Variants in EYA4 observed in about 807,000 individuals in gnomAD.
The protein encoded by EYA4 is EYA transcriptional coactivator and phosphatase 4.
A neutral mutation model predicts 87.9 loss-of-function variants in EYA4; 31 were observed. That is an observed-to-expected ratio of 0.35 (90% confidence interval 0.27 to 0.48). The LOEUF (loss-of-function observed/expected upper bound fraction) is 0.48, where lower values mean the gene tolerates loss of function less well. Among genes scored for constraint, EYA4 ranks in the 20% least tolerant of loss-of-function variants. The probability of loss-of-function intolerance (pLI) is 0.99; values close to 1 mark genes in which losing one functional copy is unlikely to be tolerated. For synonymous variants in EYA4, 263 were observed against 270.6 expected (o/e 0.97, Z 0.28); for missense variants, 678 against 761.4 (o/e 0.89, Z 1.29).
In EYA4 at chr6:133,288,152, G is replaced by A. The variant is rs115342726; in HGVS notation, c.33+13339G>A. On this transcript the variant is annotated intron_variant, in intron 2 of 19. Transcript: ENST00000355286. ...CCATTTCAATAAAAAAAAGGCTTAA[G>A]TCAGGGATTGGCAATTTTTTTGAAA... Among the ~76,000 whole-genome samples, 1,030 of 152,126 alleles carry A rather than the reference G, an allele frequency of 6.8e-3. 14 individuals carry two copies. Among genetic ancestry groups the A allele is most frequent in the African/African-American group, 0.023 (960 of 41,498 alleles).
At chr6:133,464,526 G>C (rs1168627622) in intron 9 of EYA4, among the ~76,000 whole-genome samples, 3 of 152,056 alleles carry the variant, frequency 2.0e-5, no homozygotes, top group African/African-American at 7.2e-5. Flanking sequence ...ACCCTTGAAT[G>C]TTGGCCTCAC....
intron 5 of EYA4, among the ~76,000 whole-genome samples, chr6:133,451,777 A>T (rs1330355631): frequency 1.3e-5 from 2 of 152,160 alleles, no homozygotes; most frequent in Non-Finnish European, 2.9e-5. Flanking sequence ...TTCAAAGAAA[A>T]GGTTTGGGGG....
At chr6:133,365,077 G>A (rs771085924) in intron 2 of EYA4, among the ~76,000 whole-genome samples, 46 of 152,110 alleles carry the variant, frequency 3.0e-4, no homozygotes, top group South Asian at 6.2e-4. Flanking sequence ...TGGTACATCT[G>A]CTGGGTGGCA....
At position 133,383,649 on chromosome 6, in the gene EYA4, C is replaced by A. The variant is rs1583128120; in HGVS notation, c.83+1208C>A. ...GTTTTGTTGTATGCAGTATGATATTCCTATAATTGATTCCTGTGCATATTA... is the reference window on the plus strand; with the variant it reads ...GTTTTGTTGTATGCAGTATGATATTACTATAATTGATTCCTGTGCATATTA... On this transcript the variant is annotated intron_variant, in intron 3 of 19. Transcript: ENST00000355286. Among the ~76,000 whole-genome samples the A allele has an allele frequency of 2.7e-5, 4 of 150,002 alleles. No homozygotes were observed. The Admixed American group carries it at 2.7e-4, about 10-fold the overall frequency.
At chr6:133,443,577 T>TTTC (rs887786825) in intron 3 of EYA4, among the ~76,000 whole-genome samples, 8 of 152,080 alleles carry the variant, frequency 5.3e-5, no homozygotes, top group African/African-American at 1.9e-4. Flanking sequence ...TTAATTTCCT[T>TTTC]TTCTTCCTCT....
chr6:133,275,704 A>T (rs1446835348), intron 2 of EYA4, among the ~76,000 whole-genome samples: 1 of 152,044 alleles, frequency 6.6e-6, no homozygotes, highest in African/African-American at 2.4e-5. Context: ...TTTAAGAGGG[A>T]TGTATATTCT....
At chr6:133,403,521 A>G (rs749706953) in intron 3 of EYA4, among the ~76,000 whole-genome samples, 39 of 152,236 alleles carry the variant, frequency 2.6e-4, no homozygotes, top group Non-Finnish European at 5.3e-4. Context: ...TAAGTCAAAG[A>G]TAGTACACAT....
chr6:133,495,278 A>T (rs1797543255), intron 13 of EYA4, among the ~76,000 whole-genome samples: 2 of 150,578 alleles, frequency 1.3e-5, no homozygotes, highest in African/African-American at 4.9e-5. Flanking sequence ...CAAAAAAAAG[A>T]AAAAAAATCT....
At chr6:133,511,272 C>T (rs888466318) in intron 14 of EYA4, among the ~76,000 whole-genome samples, 11 of 151,924 alleles carry the variant, frequency 7.2e-5, no homozygotes, top group Admixed American at 5.9e-4. Flanking sequence ...TAAATAGTAG[C>T]TTTCAAAAAA....
chr6:133,498,568 A>G (rs1008028028), intron 13 of EYA4, among the ~76,000 whole-genome samples: 1 of 152,210 alleles, frequency 6.6e-6, no homozygotes. Flanking sequence ...TGAGTCAGTC[A>G]GTGTTGCAGA....
intron 2 of EYA4, among the ~76,000 whole-genome samples, chr6:133,308,755 T>C (rs577003578): frequency 6.6e-6 from 1 of 152,390 alleles, no homozygotes; most frequent in South Asian, 2.1e-4. Context: ...GTCTTTTTTA[T>C]ATCTGCATTG....
At chr6:133,262,697 T>A (rs886438298) in intron 1 of EYA4, among the ~76,000 whole-genome samples, 1 of 152,248 alleles carries the variant, frequency 6.6e-6, no homozygotes, top group African/African-American at 2.4e-5. Context: ...AAGTAGAGCT[T>A]GTTGTAACTT....
chr6:133,468,135 G>A (rs1795008580), intron 10 of EYA4, among the ~76,000 whole-genome samples: 1 of 152,070 alleles, frequency 6.6e-6, no homozygotes, highest in Non-Finnish European at 1.5e-5. Flanking sequence ...TGCAGACTGA[G>A]GTCTCTGTGG....
rs970932146 is a variant in EYA4 at position 133,277,638 on chromosome 6, T to G, written c.33+2825T>G. On this transcript the variant is annotated intron_variant, in intron 2 of 19. Coordinates refer to ENST00000355286, the MANE Select transcript of EYA4 (RefSeq NM_004100.5). Reference sequence around the variant, plus strand: ...CATTCATTCTAGCATATCCAGCTACTGACCAGACATCCCTTCTGGGAGTTC... The same window carrying G: ...CATTCATTCTAGCATATCCAGCTACGGACCAGACATCCCTTCTGGGAGTTC... Among the ~76,000 whole-genome samples, 5 of 152,248 alleles carry G rather than the reference T, an allele frequency of 3.3e-5. No individual in the cohort carries two copies. The East Asian group carries it at 9.6e-4, about 29-fold the overall frequency.
intron 2 of EYA4, chr6:133,360,584 A>G (rs1447352441): frequency 1.3e-5 from 2 of 152,304 alleles, no homozygotes; most frequent in South Asian, 2.1e-4. Flanking sequence ...TTCTACAACA[A>G]CCATTTTTTG....
At chr6:133,274,885 A>G in intron 2 of EYA4, 72 bp downstream of exon 2, 1 of 1,117,246 alleles carries the variant, frequency 9.0e-7, no homozygotes. Context: ...TAAAAGAGAT[A>G]TATTGTAAGA....
At chr6:133,318,685 C>T (rs1359118507) in intron 2 of EYA4, among the ~76,000 whole-genome samples, 1 of 151,596 alleles carries the variant, frequency 6.6e-6, no homozygotes, top group Admixed American at 6.6e-5. Flanking sequence ...GCTTTGACTG[C>T]CCTTTTAAAC....
chr6:133,322,687 A>G (rs1289282238), intron 2 of EYA4, among the ~76,000 whole-genome samples: 2 of 152,232 alleles, frequency 1.3e-5, no homozygotes, highest in Non-Finnish European at 2.9e-5. Flanking sequence ...TGATGGGCAC[A>G]TTGTATCATA....
intron 2 of EYA4, among the ~76,000 whole-genome samples, chr6:133,359,722 G>A (rs1784322580): frequency 6.6e-6 from 1 of 152,154 alleles, no homozygotes; most frequent in African/African-American, 2.4e-5. Context: ...GTTTAAATGA[G>A]GGAGATATTT....
Sources: gnomAD v4.1 joint callset for allele counts (sites outside exome capture counted in the v4.1 genomes callset) on GRCh38, gnomAD v4.1.1 for gene constraint, MANE v1.5 for transcripts, NCBI Gene and HGNC (gene_info 2026-07-23, HGNC 2026-07-21) for gene names.